SPATA6: variants seen among roughly 807,000 people sequenced by gnomAD.
The protein encoded by SPATA6 is spermatogenesis-associated protein 6.
SPATA6 carries 56 observed loss-of-function variants against 65.3 expected under a neutral mutation model. The observed-to-expected ratio is 0.86, with a 90% CI of 0.69 to 1.07. The LOEUF (loss-of-function observed/expected upper bound fraction) is 1.07, where lower values mean the gene tolerates loss of function less well. SPATA6 is among the 50% of genes least tolerant of loss of function. The pLI, the probability that SPATA6 is intolerant of heterozygous loss-of-function variation, is 0.00. For missense variants in SPATA6, 590 were observed against 594.8 expected (o/e 0.99, Z 0.08); for synonymous variants, 199 against 213.2 (o/e 0.93, Z 0.58).
intron 12 of SPATA6, among the ~76,000 whole-genome samples, chr1:48,301,548 A>C (rs11205468): frequency 0.39 from 56,292 of 145,264 alleles, 10,897 homozygotes; most frequent in East Asian, 0.58. Context: ...CACACACACA[A>C]AAAAAAAAAC....
At chr1:48,426,458 G>A (rs1653847109) in intron 3 of SPATA6, among the ~76,000 whole-genome samples, 1 of 151,958 alleles carries the variant, frequency 6.6e-6, no homozygotes, top group African/African-American at 2.4e-5. Context: ...ATAGGGAATA[G>A]AATAAAACTT....
At chr1:48,428,833 ATATATG>A (rs1318230241) in intron 3 of SPATA6, among the ~76,000 whole-genome samples, 3 of 142,848 alleles carry the variant, frequency 2.1e-5, no homozygotes, top group South Asian at 2.3e-4. Context: ...ATGTGTGTAT[ATATATG>A]TGTATATATA....
intron 3 of SPATA6, among the ~76,000 whole-genome samples, chr1:48,447,251 G>C (rs1056005715): frequency 6.6e-6 from 1 of 152,138 alleles, no homozygotes; most frequent in Non-Finnish European, 1.5e-5. Flanking sequence ...AGGCACGGTG[G>C]CTCATGCCTG....
the SPATA6 span, among the ~76,000 whole-genome samples, chr1:48,281,993 T>C: frequency 6.6e-6 from 1 of 151,932 alleles, no homozygotes; most frequent in Non-Finnish European, 1.5e-5. Flanking sequence ...GAGATATATA[T>C]CAATGGAACA....
chr1:48,352,813 G>T (rs1234539847), intron 11 of SPATA6, among the ~76,000 whole-genome samples: 1 of 151,092 alleles, frequency 6.6e-6, no homozygotes, highest in African/African-American at 2.4e-5. Context: ...AACAGAAGGG[G>T]GAAAGCCATA....
At chr1:48,456,104 T>C (rs1055534680) in intron 1 of SPATA6, among the ~76,000 whole-genome samples, 4 of 152,204 alleles carry the variant, frequency 2.6e-5, no homozygotes, top group African/African-American at 9.7e-5. Flanking sequence ...TGGCTGACCT[T>C]GGGGCTTTGA....
At chr1:48,285,088 C>A in the SPATA6 span, among the ~76,000 whole-genome samples, 1 of 152,176 alleles carries the variant, frequency 6.6e-6, no homozygotes, top group African/African-American at 2.4e-5. Flanking sequence ...CTATAAGCTC[C>A]TGTTTGGGGC....
the SPATA6 span, among the ~76,000 whole-genome samples, chr1:48,280,192 G>A: frequency 9.2e-5 from 14 of 152,162 alleles, no homozygotes; most frequent in South Asian, 1.0e-3. Context: ...AGTGTGTAGC[G>A]GGAAATTTAT....
At chr1:48,405,731 C>T (rs556617830) in intron 5 of SPATA6, among the ~76,000 whole-genome samples, 2 of 152,216 alleles carry the variant, frequency 1.3e-5, no homozygotes, top group South Asian at 4.1e-4. Flanking sequence ...ACATTCTATT[C>T]ATCAGACTCA....
chr1:48,321,804 A>T (rs1645606710), intron 11 of SPATA6, among the ~76,000 whole-genome samples: 1 of 152,170 alleles, frequency 6.6e-6, no homozygotes, highest in Non-Finnish European at 1.5e-5. Flanking sequence ...AAATTATATC[A>T]TGTGTCTTCT....
At chr1:48,346,893 C>T (rs1646380570) in intron 11 of SPATA6, among the ~76,000 whole-genome samples, 1 of 151,990 alleles carries the variant, frequency 6.6e-6, no homozygotes, top group South Asian at 2.1e-4. Flanking sequence ...GCCATACTGT[C>T]CAAAGCAATT....
intron 3 of SPATA6, among the ~76,000 whole-genome samples, chr1:48,442,864 C>T (rs1270350643): frequency 1.3e-5 from 2 of 152,006 alleles, no homozygotes; most frequent in Admixed American, 6.6e-5. Flanking sequence ...TAAACAAGGG[C>T]GTAGCCTGAA....
chr1:48,281,830 A>T, the SPATA6 span, among the ~76,000 whole-genome samples: 2 of 152,194 alleles, frequency 1.3e-5, no homozygotes, highest in East Asian at 1.9e-4. Context: ...ATTGGAAAAA[A>T]CTACTTAAAG....
At position 48,458,053 on chromosome 1, in the gene SPATA6, C is replaced by T. The variant is rs79911576; in HGVS notation, c.52-4922G>A. On this transcript the variant is annotated intron_variant, in intron 1 of 12. Coordinates refer to ENST00000371847, the MANE Select transcript of SPATA6 (RefSeq NM_019073.4). ...GAAAATAAGTTAGTATTAATCCATA[C>T]TAGATTATAAATTAAGATGCTAATT... 0.02 allele frequency among the ~76,000 whole-genome samples: 2,987 copies of T among 150,204 alleles called. 123 individuals are homozygous for T. In the East Asian group the frequency reaches 0.2, roughly 10 times the overall value.
downstream of SPATA6, among the ~76,000 whole-genome samples, chr1:48,293,313 A>T (rs1644780498): frequency 6.6e-6 from 1 of 152,184 alleles, no homozygotes; most frequent in South Asian, 2.1e-4. Flanking sequence ...TGGCATAAAG[A>T]TAAAATGAGA....
intron 11 of SPATA6, among the ~76,000 whole-genome samples, chr1:48,335,079 G>A (rs1646023292): frequency 6.6e-6 from 1 of 152,020 alleles, no homozygotes; most frequent in Non-Finnish European, 1.5e-5. Flanking sequence ...GCTAAGCAGG[G>A]AGGTGAAATA....
At chr1:48,331,010 T>G (rs950388032) in intron 11 of SPATA6, among the ~76,000 whole-genome samples, 1 of 151,792 alleles carries the variant, frequency 6.6e-6, no homozygotes, top group African/African-American at 2.4e-5. Flanking sequence ...TAGAAGGCAG[T>G]CAACCAAACC....
the SPATA6 span, among the ~76,000 whole-genome samples, chr1:48,272,009 T>C: frequency 4.6e-5 from 7 of 152,110 alleles, no homozygotes; most frequent in Admixed American, 3.3e-4. Flanking sequence ...CATCTACAAA[T>C]ATAGCAAAAT....
chr1:48,277,099 C>CTTTTTTTTTTTTTTTT, the SPATA6 span, among the ~76,000 whole-genome samples: 7 of 126,436 alleles, frequency 5.5e-5, no homozygotes, highest in Admixed American at 7.8e-5. Context: ...TTGTTTTTTG[C>CTTTTTTTTTTTTTTTT]TTTTTTTTTT....
Sources: allele counts gnomAD v4.1 joint callset (sites outside exome capture counted in the v4.1 genomes callset), GRCh38; gene constraint gnomAD v4.1.1; transcripts MANE v1.5; gene names NCBI Gene and HGNC (gene_info 2026-07-23, HGNC 2026-07-21).